PHF14: variants seen among roughly 807,000 people sequenced by gnomAD.
The protein encoded by PHF14 is PHD finger protein 14.
A neutral mutation model predicts 117.9 loss-of-function variants in PHF14; 55 were observed. The observed-to-expected ratio is 0.47, with a 90% confidence interval of 0.38 to 0.58. The LOEUF is 0.58. Among genes scored for constraint, PHF14 ranks in the 20% least tolerant of loss-of-function variants. The pLI is 0.00. For missense variants in PHF14, 978 were observed against 1,122.2 expected (o/e 0.87, Z 1.84); for synonymous variants, 409 against 368.6 (o/e 1.11, Z -1.26).
rs778056619 is a variant in PHF14, at chr7:10,982,947, G to C, written c.688G>C (p.Glu230Gln). 12 of 1,600,644 alleles carry C rather than the reference G, an allele frequency of 7.5e-6. No homozygotes were observed. Among genetic ancestry groups the C allele is most frequent in the Admixed American group, 1.8e-5 (1 of 57,018 alleles). ...KRKGRSASQK[E>Q]GSDGDNEDDE... ...AAAAGGGAGATCTGCGTCTCAGAAA[G>C]AGGGAAGTGATGGAGACAATGAGGA... The change falls in exon 3 of 18, where the codon GAG becomes CAG. Residue 230 changes from glutamate (E) to glutamine (Q), a missense_variant. Transcript: ENST00000634607.
At chr7:11,122,428 CGTATATATATATACGT>C (rs1787802639) in intron 17 of PHF14, among the ~76,000 whole-genome samples, 2 of 118,344 alleles carry the variant, frequency 1.7e-5, no homozygotes, top group Non-Finnish European at 3.5e-5. Context: ...TATATATACA[CGTATATATATATACGT>C]ATATATATAT....
intron 17 of PHF14, among the ~76,000 whole-genome samples, chr7:11,151,434 C>G (rs539278578): frequency 6.6e-6 from 1 of 152,040 alleles, no homozygotes; most frequent in Non-Finnish European, 1.5e-5. Flanking sequence ...TGGTGCACAC[C>G]TATAGTTCCA....
chr7:10,987,643 TA>T (rs1203451509), intron 3 of PHF14, among the ~76,000 whole-genome samples: 1 of 152,144 alleles, frequency 6.6e-6, no homozygotes, highest in Non-Finnish European at 1.5e-5. Context: ...TTCTAGGTGG[TA>T]CTTTTTTGCC....
At chr7:11,162,519 C>T (rs1443359685) in intron 17 of PHF14, among the ~76,000 whole-genome samples, 1 of 152,144 alleles carries the variant, frequency 6.6e-6, no homozygotes, top group African/African-American at 2.4e-5. Context: ...TATCATCCAT[C>T]ATTCATTTCC....
At chr7:11,008,616 A>G (rs915378913) in intron 4 of PHF14, among the ~76,000 whole-genome samples, 2 of 152,172 alleles carry the variant, frequency 1.3e-5, no homozygotes, top group Non-Finnish European at 2.9e-5. Context: ...CCATGGAAAA[A>G]TTGTTTTCCA....
At chr7:11,082,243 G>T (rs1028948784) in intron 16 of PHF14, among the ~76,000 whole-genome samples, 2 of 152,152 alleles carry the variant, frequency 1.3e-5, no homozygotes, top group Non-Finnish European at 2.9e-5. Flanking sequence ...CTACTTAGGA[G>T]GCTGAGGTGG....
chr7:11,086,800 A>G (rs1372208328), intron 16 of PHF14, among the ~76,000 whole-genome samples: 1 of 152,078 alleles, frequency 6.6e-6, no homozygotes, highest in East Asian at 1.9e-4. Flanking sequence ...TATAATTTGT[A>G]TAGTAATTTA....
At chr7:11,077,385 A>G (rs1204216312) in intron 16 of PHF14, among the ~76,000 whole-genome samples, 1 of 151,794 alleles carries the variant, frequency 6.6e-6, no homozygotes, top group Non-Finnish European at 1.5e-5. Context: ...GGCAGATCAC[A>G]AGGTCAAGAG....
chr7:11,013,942 T>A, intron 5 of PHF14, 36 bp downstream of exon 5: 1 of 1,462,756 alleles, frequency 6.8e-7, no homozygotes, highest in South Asian at 1.3e-5. Context: ...ATATGTTTGC[T>A]TTATAATGTG....
Position 11,100,452 on chromosome 7 carries a change from A to ATTT in PHF14, c.2655-10897_2655-10896insTTT, listed in dbSNP as rs1254974371. ...TTTAGAAGAGAGGTAACTGGGGTAC[A>ATTT]TAGACACTAAGCAGTGTGAAATAGA... On this transcript the variant is annotated intron_variant, in intron 16 of 17. Transcript: ENST00000634607. Among the ~76,000 whole-genome samples, 10 of 152,126 alleles carry ATTT rather than the reference A, an allele frequency of 6.6e-5. No homozygotes were observed. The East Asian group carries it at 1.7e-3, about 26-fold the overall frequency.
Position 11,082,532 on chromosome 7 carries a change from C to G in PHF14, c.2654+20447C>G, listed in dbSNP as rs188383850. On this transcript the variant is annotated intron_variant, in intron 16 of 17. Transcript: ENST00000634607. ...ATAAGCTTAATTTTCCCTTGTTATT[C>G]AATCATTTATGCTTTCTGATTTATA... 6.4e-4 allele frequency among the ~76,000 whole-genome samples: 97 copies of G among 152,212 alleles called. 1 individual carries two copies. Among genetic ancestry groups the G allele is most frequent in the Middle Eastern group, 6.8e-3 (2 of 294 alleles).
chr7:11,159,249 T>C (rs1274088594), intron 17 of PHF14, among the ~76,000 whole-genome samples: 1 of 152,092 alleles, frequency 6.6e-6, no homozygotes, highest in Non-Finnish European at 1.5e-5. Context: ...ATATAAATTC[T>C]ATTTGTTTTT....
At chr7:10,992,923 G>A (rs1378329671) in intron 4 of PHF14, among the ~76,000 whole-genome samples, 3 of 151,886 alleles carry the variant, frequency 2.0e-5, no homozygotes, top group Admixed American at 1.3e-4. Context: ...TAAATATATA[G>A]TCCAGTTTTT....
At chr7:10,996,818 G>T (rs1472868374) in intron 4 of PHF14, among the ~76,000 whole-genome samples, 1 of 152,096 alleles carries the variant, frequency 6.6e-6, no homozygotes, top group Non-Finnish European at 1.5e-5. Flanking sequence ...GAGAACCAGA[G>T]CCCACAAGAT....
intron 4 of PHF14, among the ~76,000 whole-genome samples, chr7:11,009,341 G>T (rs1045465997): frequency 6.6e-6 from 1 of 152,036 alleles, no homozygotes; most frequent in South Asian, 2.1e-4. Context: ...CCATACCTTT[G>T]TACAACTCAA....
intron 13 of PHF14, among the ~76,000 whole-genome samples, chr7:11,045,955 A>G (rs1466769554): frequency 6.6e-6 from 1 of 152,174 alleles, no homozygotes; most frequent in Non-Finnish European, 1.5e-5. Context: ...TTCTTGAATT[A>G]TGCTCTGCTG....
intron 5 of PHF14, among the ~76,000 whole-genome samples, chr7:11,020,433 A>G (rs980808138): frequency 6.6e-6 from 1 of 151,920 alleles, no homozygotes. Context: ...ACTGGAGTGC[A>G]GTGGCATGAT....
rs113875208 is a variant in PHF14, at chr7:11,051,926, A to G, written c.2481+146A>G. The G allele has an allele frequency of 1.9e-3, 1,210 of 642,172 alleles. 13 individuals are homozygous for G. In the African/African-American group the frequency reaches 0.02, roughly 11 times the overall value. 39.8% of individuals were successfully genotyped at this position (642,172 alleles called of 1,614,324 possible). A position where few individuals can be genotyped will look rare whatever the true frequency, so the allele number is the denominator to read the frequency against. On this transcript the variant is annotated intron_variant, in intron 14 of 17. Coordinates refer to ENST00000634607, the MANE Select transcript of PHF14 (RefSeq NM_001007157.2). ...TTCTTAACAATTTTTTTTCTATATT[A>G]TGAAATATACCACATGCTTACCTGA...
chr7:11,111,209 T>C (rs1479342484), intron 16 of PHF14, 141 bp from the exon 17 acceptor site: 1 of 477,032 alleles, frequency 2.1e-6, no homozygotes, highest in African/African-American at 2.0e-5. Flanking sequence ...TCATCATTAA[T>C]TTAATGATCT....
Sources: gnomAD v4.1 joint callset for allele counts (sites outside exome capture counted in the v4.1 genomes callset) on GRCh38, gnomAD v4.1.1 for gene constraint, MANE v1.5 for transcripts, NCBI Gene and HGNC (gene_info 2026-07-23, HGNC 2026-07-21) for gene names.